The following MYO16 variants were observed in gnomAD, a reference collection of about 807,000 sequenced individuals.
MYO16 encodes the protein myosin XVI.
Under a neutral mutation model 205.3 loss-of-function variants are expected in MYO16, and 94 were observed. That is an observed-to-expected ratio of 0.46 (90% CI 0.39 to 0.54). MYO16 has a LOEUF of 0.54. MYO16 is among the 20% of genes least tolerant of loss of function. The pLI, the probability that MYO16 is intolerant of heterozygous loss-of-function variation, is 0.00. For missense variants in MYO16, 2,315 were observed against 2,387.5 expected (o/e 0.97, Z 0.63); for synonymous variants, 988 against 954.0 (o/e 1.04, Z -0.66).
At chr13:108,862,646 T>A (rs1437716968) in intron 11 of MYO16, among the ~76,000 whole-genome samples, 1 of 152,188 alleles carries the variant, frequency 6.6e-6, no homozygotes, top group Non-Finnish European at 1.5e-5. Flanking sequence ...TAGTCAATCC[T>A]GACAAATAGA....
At chr13:108,785,431 G>A (rs778938882) in intron 4 of MYO16, among the ~76,000 whole-genome samples, 19 of 152,120 alleles carry the variant, frequency 1.2e-4, no homozygotes, top group Non-Finnish European at 2.5e-4. Context: ...GTCAGTGGAA[G>A]GTTTTCAGAA....
intron 34 of MYO16, among the ~76,000 whole-genome samples, chr13:109,202,386 T>C (rs1379253110): frequency 5.3e-5 from 8 of 152,210 alleles, no homozygotes; most frequent in Admixed American, 2.0e-4. Context: ...GATTTTTTGA[T>C]AATGGCTATT....
intron 34 of MYO16, among the ~76,000 whole-genome samples, chr13:109,198,300 G>A (rs531392645): frequency 5.9e-5 from 9 of 152,140 alleles, no homozygotes; most frequent in South Asian, 2.1e-4. Flanking sequence ...ATTGTTGAAG[G>A]AATTTGAGGA....
chr13:109,185,021 C>G (rs889715864), intron 34 of MYO16, among the ~76,000 whole-genome samples: 5 of 152,050 alleles, frequency 3.3e-5, no homozygotes, highest in African/African-American at 1.2e-4. Flanking sequence ...ATGATTTGCC[C>G]CCCTCCCTCC....
chr13:108,560,771 C>T, the MYO16 span, among the ~76,000 whole-genome samples: 4 of 152,098 alleles, frequency 2.6e-5, no homozygotes, highest in African/African-American at 7.2e-5. Context: ...TTATAAATTA[C>T]ATTTTGCATT....
At position 108,667,182 on chromosome 13, in the gene MYO16, G is replaced by A. The variant is rs150252196; in HGVS notation, c.292+1033G>A. Reference sequence around the variant, plus strand: ...TTGAAGGCTTTCAAATGGGGATTGTGGATCTATAGCTAAGAAAACCTATAG... The same window carrying A: ...TTGAAGGCTTTCAAATGGGGATTGTAGATCTATAGCTAAGAAAACCTATAG... On this transcript the variant is annotated intron_variant, in intron 2 of 34. Transcript: ENST00000457511. 6.2e-4 allele frequency among the ~76,000 whole-genome samples: 95 copies of A among 152,164 alleles called. 1 individual carries two copies. Among genetic ancestry groups the A allele is most frequent in the African/African-American group, 2.1e-3 (89 of 41,512 alleles).
chr13:108,919,577 G>A (rs1207011940), intron 16 of MYO16, among the ~76,000 whole-genome samples: 1 of 152,114 alleles, frequency 6.6e-6, no homozygotes, highest in African/African-American at 2.4e-5. Flanking sequence ...AAAGATGTTT[G>A]CTTGATGCTA....
At chr13:109,050,959 C>G (rs1433299408) in intron 24 of MYO16, among the ~76,000 whole-genome samples, 1 of 151,748 alleles carries the variant, frequency 6.6e-6, no homozygotes, top group Non-Finnish European at 1.5e-5. Context: ...GACATTTGTT[C>G]AGGAAGCTTT....
chr13:108,899,073 A>C (rs959596727), intron 15 of MYO16, among the ~76,000 whole-genome samples: 2 of 152,196 alleles, frequency 1.3e-5, no homozygotes, highest in African/African-American at 4.8e-5. Context: ...TGTATTTTGC[A>C]GCAAGTCTAT....
chr13:108,838,523 C>T (rs1877052831), intron 9 of MYO16, among the ~76,000 whole-genome samples: 1 of 149,404 alleles, frequency 6.7e-6, no homozygotes, highest in Admixed American at 6.7e-5. Flanking sequence ...AAAAAAAAAG[C>T]TTGGCATGGT....
At chr13:109,143,451 A>G (rs190076276) in intron 32 of MYO16, among the ~76,000 whole-genome samples, 40 of 152,322 alleles carry the variant, frequency 2.6e-4, no homozygotes, top group Admixed American at 2.0e-3. Flanking sequence ...TTTCATTCCA[A>G]GGAACAAAAT....
rs182226569 is a variant in MYO16, at chr13:109,204,800, G to A, written c.5416-1809G>A. Among the ~76,000 whole-genome samples, 4 of 152,254 alleles carry A rather than the reference G, an allele frequency of 2.6e-5. No individual in the cohort carries two copies. In the East Asian group the frequency reaches 5.8e-4, roughly 22 times the overall value. On this transcript the variant is annotated intron_variant, in intron 34 of 34. Transcript: ENST00000457511. Reference sequence around the variant, plus strand: ...CCTGACTGCCCTGTTCCTGTTTCCTGATCTGCAACATAGAAGTACCCACTT... The same window carrying A: ...CCTGACTGCCCTGTTCCTGTTTCCTAATCTGCAACATAGAAGTACCCACTT...
At chr13:109,172,390 T>A (rs1878960080) in intron 33 of MYO16, among the ~76,000 whole-genome samples, 1 of 152,244 alleles carries the variant, frequency 6.6e-6, no homozygotes, top group Non-Finnish European at 1.5e-5. Context: ...CTCATCCTTC[T>A]AGTTAAAAGC....
At chr13:108,726,033 T>A (rs1422408894) in intron 3 of MYO16, among the ~76,000 whole-genome samples, 1 of 152,178 alleles carries the variant, frequency 6.6e-6, no homozygotes, top group Non-Finnish European at 1.5e-5. Flanking sequence ...CAATGATTTG[T>A]TTTTAATGGT....
intron 14 of MYO16, among the ~76,000 whole-genome samples, chr13:108,897,204 AC>A (rs1345768608): frequency 1.3e-5 from 2 of 151,938 alleles, no homozygotes; most frequent in African/African-American, 2.4e-5. Flanking sequence ...ATACCCTTGA[AC>A]CCTCCAGATT....
At chr13:109,080,433 A>G (rs1362661409) in intron 27 of MYO16, among the ~76,000 whole-genome samples, 1 of 152,350 alleles carries the variant, frequency 6.6e-6, no homozygotes, top group East Asian at 1.9e-4. Flanking sequence ...AAAATTAAGC[A>G]TACTAGAAAT....
chr13:108,896,048 A>C (rs559480019), intron 14 of MYO16, among the ~76,000 whole-genome samples: 102 of 152,242 alleles, frequency 6.7e-4, no homozygotes, highest in African/African-American at 2.2e-3. Flanking sequence ...GTGTGGGGGT[A>C]GCTCCTTCTC....
chr13:109,195,931 C>A (rs951704972), intron 34 of MYO16, among the ~76,000 whole-genome samples: 5 of 152,026 alleles, frequency 3.3e-5, no homozygotes, highest in Non-Finnish European at 7.4e-5. Flanking sequence ...TCATAATTGT[C>A]CAATAGGAAA....
intron 32 of MYO16, among the ~76,000 whole-genome samples, chr13:109,145,696 C>A (rs1424943961): frequency 6.6e-6 from 1 of 152,194 alleles, no homozygotes; most frequent in Non-Finnish European, 1.5e-5. Flanking sequence ...AACTATGAGA[C>A]CCGATTCAAA....
Sources: allele counts gnomAD v4.1 joint callset (sites outside exome capture counted in the v4.1 genomes callset), GRCh38; gene constraint gnomAD v4.1.1; transcripts MANE v1.5; gene names NCBI Gene and HGNC (gene_info 2026-07-23, HGNC 2026-07-21).